RNF125: variants seen among roughly 807,000 people sequenced by gnomAD.
The protein encoded by RNF125 is ring finger protein 125, also known as E3 ubiquitin-protein ligase RNF125.
RNF125 carries 21 observed loss-of-function variants against 26.0 expected under a neutral mutation model. The observed-to-expected ratio is 0.81, with a 90% CI of 0.57 to 1.16. RNF125 has a LOEUF of 1.16. Ranked by LOEUF, RNF125 falls within the 50% of genes most tolerant of loss-of-function variation. The probability of loss-of-function intolerance (pLI) is 0.00; values close to 1 mark genes in which losing one functional copy is unlikely to be tolerated. For missense variants in RNF125, 270 were observed against 299.4 expected (o/e 0.90, Z 0.72); for synonymous variants, 95 against 109.2 (o/e 0.87, Z 0.81).
At chr18:32,079,177 C>T in the RNF125 span, among the ~76,000 whole-genome samples, 1 of 152,274 alleles carries the variant, frequency 6.6e-6, no homozygotes, top group Non-Finnish European at 1.5e-5. Flanking sequence ...ACTTCAGTAA[C>T]AGATTTTTGG....
chr18:32,081,468 C>T, the RNF125 span, among the ~76,000 whole-genome samples: 1 of 152,172 alleles, frequency 6.6e-6, no homozygotes, highest in African/African-American at 2.4e-5. Flanking sequence ...ACTGGTCTCT[C>T]TCCAGACTTT....
intron 4 of RNF125, among the ~76,000 whole-genome samples, chr18:32,059,982 T>G (rs1214494073): frequency 6.6e-6 from 1 of 152,246 alleles, no homozygotes; most frequent in Non-Finnish European, 1.5e-5. Flanking sequence ...TCAGGAGATC[T>G]TTCCCCTTTT....
At chr18:32,031,055 A>T (rs2039088603) in intron 1 of RNF125, 1 of 152,006 alleles carries the variant, frequency 6.6e-6, no homozygotes, top group African/African-American at 2.4e-5. Flanking sequence ...TATGACCTAA[A>T]TGCCTCCTGA....
intron 4 of RNF125, among the ~76,000 whole-genome samples, chr18:32,046,573 A>G (rs417944): frequency 0.7 from 100,776 of 144,966 alleles, 35,223 homozygotes; most frequent in African/African-American, 0.73. Flanking sequence ...CTCCAGCCTG[A>G]GCGACAGAGC....
chr18:32,054,998 A>G (rs1442402392), intron 4 of RNF125, among the ~76,000 whole-genome samples: 1 of 152,188 alleles, frequency 6.6e-6, no homozygotes, highest in Non-Finnish European at 1.5e-5. Flanking sequence ...TATGCAAGCT[A>G]ACATAGCAAG....
intron 1 of RNF125, among the ~76,000 whole-genome samples, chr18:32,025,744 G>A (rs531286807): frequency 6.8e-6 from 1 of 146,082 alleles, no homozygotes; most frequent in African/African-American, 2.7e-5. Flanking sequence ...TTGTGTATGC[G>A]TGTGTGTGTG....
At chr18:32,087,529 T>C in the RNF125 span, among the ~76,000 whole-genome samples, 1 of 151,816 alleles carries the variant, frequency 6.6e-6, no homozygotes. Context: ...TGTCTGCTGC[T>C]TGGTGCATGG....
intron 1 of RNF125, among the ~76,000 whole-genome samples, chr18:32,029,613 C>T (rs1488999506): frequency 1.0e-5 from 1 of 99,068 alleles, no homozygotes; most frequent in African/African-American, 4.4e-5. Context: ...GAATGAGACC[C>T]TGCCTCAAAA....
In RNF125 at chr18:32,064,396, C is replaced by CTTTTTTTTTTTT. The variant is rs775086863; in HGVS notation, c.505-1494_505-1483dup. ...AATCTGGTGAAATCTTTTTCTTTTT[C>CTTTTTTTTTTTT]TTTTTTTTTTTTTTTTTTTTTTTGA... On this transcript the variant is annotated intron_variant, in intron 4 of 5. Transcript: ENST00000217740. Among the ~76,000 whole-genome samples the CTTTTTTTTTTTT allele has an allele frequency of 9.1e-4, 79 of 86,818 alleles. 1 individual carries two copies. The highest frequency in any genetic ancestry group is 1.1e-3 in the Non-Finnish European group (53 of 47,998). 57.0% of individuals were successfully genotyped at this position (86,818 alleles called of 152,430 possible).
At chr18:32,021,195 C>T (rs909983253) in intron 1 of RNF125, among the ~76,000 whole-genome samples, 4 of 152,198 alleles carry the variant, frequency 2.6e-5, no homozygotes, top group African/African-American at 9.6e-5. Flanking sequence ...ATTCTCCTGC[C>T]TCAGCCTCCC....
intron 2 of RNF125, among the ~76,000 whole-genome samples, chr18:32,039,488 T>TAA (rs2039194793): frequency 6.6e-6 from 1 of 152,150 alleles, no homozygotes. Context: ...GATATATATA[T>TAA]AACTGATGAT....
chr18:32,020,577 T>C (rs1468072924), intron 1 of RNF125, among the ~76,000 whole-genome samples: 1 of 151,194 alleles, frequency 6.6e-6, no homozygotes, highest in East Asian at 2.0e-4. Context: ...TTTGAAAGGA[T>C]TTAGGTAGTC....
chr18:32,059,645 G>T (rs1442571998), intron 4 of RNF125, among the ~76,000 whole-genome samples: 3 of 151,902 alleles, frequency 2.0e-5, no homozygotes, highest in South Asian at 2.1e-4. Context: ...GTCCATTTTC[G>T]CTTTGGTTGC....
chr18:32,070,906 A>G lies in RNF125; in HGVS notation c.*2522A>G, dbSNP rs1363206243. 6.6e-6 allele frequency: 1 copy of G among 151,744 alleles called. No homozygotes were observed. Among genetic ancestry groups the G allele is most frequent in the African/African-American group, 2.4e-5 (1 of 41,306 alleles). 9.4% of individuals were successfully genotyped at this position (151,744 alleles called of 1,614,324 possible). A position where few individuals can be genotyped will look rare whatever the true frequency, so the allele number is the denominator to read the frequency against. ...TTTAGTAGAGTCAGGATTTCTCCAC[A>G]TTGGTCAGGCTGGCCTCAAACTCTC... On this transcript the variant is annotated 3_prime_UTR_variant, in exon 6 of 6. Coordinates refer to ENST00000217740, the MANE Select transcript of RNF125 (RefSeq NM_017831.4).
At chr18:32,090,512 T>A in the RNF125 span, among the ~76,000 whole-genome samples, 1 of 152,136 alleles carries the variant, frequency 6.6e-6, no homozygotes, top group Admixed American at 6.5e-5. Context: ...TTGGACAAAT[T>A]ATTATTATTC....
In RNF125 at chr18:32,068,304, A is replaced by T. The variant is rs1441052442; in HGVS notation, c.619A>T (p.Asn207Tyr). The T allele has an allele frequency of 3.3e-6, 5 of 1,530,346 alleles. No homozygotes were observed. In the South Asian group the frequency reaches 5.7e-5, roughly 17 times the overall value. The allele number at this position is 1,530,346 out of a possible 1,614,324, so 94.8% of individuals were successfully genotyped here. ...TTATTTTTCTTTATTGTAGGATTTT[A>T]ATATAATTGAGGAAGCTCTTATCCG... Reference protein sequence around the residue: ...TLFYDDFIDFNIIEEALIRRV... With the variant: ...TLFYDDFIDFYIIEEALIRRV... The change falls in exon 6 of 6, where the codon AAT becomes TAT. Residue 207 changes from asparagine (N) to tyrosine (Y), a missense_variant. Coordinates refer to ENST00000217740, the MANE Select transcript of RNF125 (RefSeq NM_017831.4).
chr18:32,018,955 C>G lies in RNF125; in HGVS notation c.92C>G (p.Pro31Arg), dbSNP rs751589349. The G allele has an allele frequency of 6.8e-6, 11 of 1,613,790 alleles. No individual in the cohort carries two copies. The highest frequency in any genetic ancestry group is 9.3e-6 in the Non-Finnish European group (11 of 1,179,880). The change falls in exon 1 of 6, where the codon CCC (proline) becomes CGC (arginine). Residue 31 changes from proline (P) to arginine (R), a missense_variant. Pro to Arg is a moderately radical substitution (Grantham distance 103, BLOSUM62 -2). Coordinates refer to ENST00000217740, the MANE Select transcript of RNF125 (RefSeq NM_017831.4). ...GAGCGCAGGAGGGACCCGGAGTTGC[C>G]CGTCACGTCCTTCGACTGCGCCGTG... ...ALERRRDPEL[P>R]VTSFDCAVCL...
intron 4 of RNF125, among the ~76,000 whole-genome samples, chr18:32,050,112 G>GCT (rs2039309385): frequency 6.6e-6 from 1 of 152,166 alleles, no homozygotes; most frequent in African/African-American, 2.4e-5. Flanking sequence ...GGCATTTAGA[G>GCT]ATTTCCTGGG....
intron 5 of RNF125, among the ~76,000 whole-genome samples, chr18:32,067,362 G>A (rs1278496658): frequency 6.6e-6 from 1 of 152,204 alleles, no homozygotes; most frequent in Non-Finnish European, 1.5e-5. Flanking sequence ...TTCAGACAAA[G>A]CATGATCCAG....
Sources: allele counts gnomAD v4.1 joint callset (sites outside exome capture counted in the v4.1 genomes callset), GRCh38; gene constraint gnomAD v4.1.1; transcripts MANE v1.5; gene names NCBI Gene and HGNC (gene_info 2026-07-23, HGNC 2026-07-21).